The following RRP1B variants were observed in gnomAD, a reference collection of about 807,000 sequenced individuals.
RRP1B encodes the protein ribosomal RNA processing protein 1 homolog B.
In RRP1B, 56 loss-of-function variants were observed where a neutral mutation model predicts 80.2. The observed-to-expected ratio is 0.70, with a 90% CI of 0.56 to 0.87. The LOEUF is 0.87. Among genes scored for constraint, RRP1B ranks in the 40% least tolerant of loss-of-function variants. The pLI, the probability that RRP1B is intolerant of heterozygous loss-of-function variation, is 0.00. For missense variants in RRP1B, 807 were observed against 939.8 expected (o/e 0.86, Z 1.85); for synonymous variants, 351 against 357.6 (o/e 0.98, Z 0.21).
chr21:43,677,337 A>T (rs2083026971), intron 8 of RRP1B, among the ~76,000 whole-genome samples: 2 of 152,114 alleles, frequency 1.3e-5, no homozygotes, highest in Admixed American at 6.6e-5. Context: ...CCTTCAGGGA[A>T]TGTTTTTCTT....
chr21:43,683,716 A>C (rs1442955596), intron 9 of RRP1B, among the ~76,000 whole-genome samples: 1 of 152,160 alleles, frequency 6.6e-6, no homozygotes, highest in Admixed American at 6.5e-5. Context: ...TTACAAGCTC[A>C]CGCCTGTAAT....
intron 4 of RRP1B, 44 bp downstream of exon 4, chr21:43,673,999 G>A: frequency 7.1e-7 from 1 of 1,403,914 alleles, no homozygotes; most frequent in Non-Finnish European, 1.0e-6. Flanking sequence ...GGGAAGAAAA[G>A]AATGTCCTTT....
rs1212789906 is a variant in RRP1B, at chr21:43,686,785, G to A, written c.1010-19G>A. On this transcript the variant is annotated intron_variant, in intron 11 of 15. Coordinates refer to ENST00000340648, the MANE Select transcript of RRP1B (RefSeq NM_015056.3). The stretch of plus-strand genomic sequence containing the variant: ...TTGAGCGCCTGGGGAAGCTAACAGT[G>A]TGTCACTCTGGCATCTAGGAAGCAG... 1 of 1,613,668 alleles carries A rather than the reference G, an allele frequency of 6.2e-7. No individual in the cohort carries two copies. The highest frequency in any genetic ancestry group is 8.5e-7 in the Non-Finnish European group (1 of 1,179,810).
In RRP1B at chr21:43,691,597, A is replaced by T; in HGVS notation, c.2083+95A>T. On this transcript the variant is annotated intron_variant, in intron 15 of 15. Coordinates refer to ENST00000340648, the MANE Select transcript of RRP1B (RefSeq NM_015056.3). This position sits in a 1 kb window ranked among gnomAD's most constrained non-coding sequence, Gnocchi z 4.2. The stretch of plus-strand genomic sequence containing the variant: ...TGGTTCCACAAGGCGGTCGGGGAAG[A>T]GGGGGGTCCTAGCTCCTCACTGCCC... 4.0e-6 allele frequency: 4 copies of T among 997,146 alleles called. No homozygotes were observed. The highest frequency in any genetic ancestry group is 6.3e-6 in the Non-Finnish European group (4 of 636,142). 61.8% of individuals were successfully genotyped at this position (997,146 alleles called of 1,614,324 possible).
At chr21:43,681,011 A>AGTCGGATAACTTGAG (rs763919276) in intron 8 of RRP1B, among the ~76,000 whole-genome samples, 16 of 152,172 alleles carry the variant, frequency 1.1e-4, no homozygotes, top group Non-Finnish European at 1.5e-4. Context: ...AAGCCCAGGC[A>AGTCGGATAACTTGAG]GTCGGATAAC....
chr21:43,685,997 T>G (rs916121329), intron 11 of RRP1B: 9 of 434,136 alleles, frequency 2.1e-5, no homozygotes, highest in African/African-American at 1.9e-4. Flanking sequence ...GGCGTGATCC[T>G]GTAGTCCCAG....
At chr21:43,672,717 A>G (rs535039960) in intron 3 of RRP1B, among the ~76,000 whole-genome samples, 1 of 152,336 alleles carries the variant, frequency 6.6e-6, no homozygotes, top group Admixed American at 6.5e-5. Context: ...ATAAATACAT[A>G]GAAGACACCA....
intron 7 of RRP1B, 99 bp from the exon 8 acceptor site, chr21:43,676,634 C>A: frequency 2.6e-6 from 3 of 1,171,668 alleles, no homozygotes; most frequent in Non-Finnish European, 3.6e-6. Flanking sequence ...CCACTCCAGA[C>A]CACAGCAACG....
At position 43,694,178 on chromosome 21, in the gene RRP1B, C is replaced by G. The variant is rs1466308605; in HGVS notation, c.*795C>G. On this transcript the variant is annotated 3_prime_UTR_variant, in exon 16 of 16. Transcript: ENST00000340648. ...CGTGGAGCACACTCATTCCTCCAAGCCCTTGCGCTCCCGTTTCTCTCTCTC... is the reference window on the plus strand; with the variant it reads ...CGTGGAGCACACTCATTCCTCCAAGGCCTTGCGCTCCCGTTTCTCTCTCTC... 6.6e-6 allele frequency: 1 copy of G among 152,090 alleles called. No individual in the cohort carries two copies. The highest frequency in any genetic ancestry group is 2.4e-5 in the African/African-American group (1 of 41,320). The allele number at this position is 152,090 out of a possible 1,614,324, so 9.4% of individuals were successfully genotyped here.
At chr21:43,678,122 G>A (rs2083029500) in intron 8 of RRP1B, among the ~76,000 whole-genome samples, 1 of 152,170 alleles carries the variant, frequency 6.6e-6, no homozygotes, top group South Asian at 2.1e-4. Flanking sequence ...ATTCCCACCA[G>A]CAGTGTAGAA....
Position 43,674,625 on chromosome 21 carries a change from C to CTTTTTTT in RRP1B, c.358-11_358-10insTTTTTTT. 1.3e-6 allele frequency: 1 copy of CTTTTTTT among 797,956 alleles called. No individual in the cohort carries two copies. The highest frequency in any genetic ancestry group is 1.7e-6 in the Non-Finnish European group (1 of 603,606). The allele number at this position is 797,956 out of a possible 1,614,324, so 49.4% of individuals were successfully genotyped here. A position where few individuals can be genotyped will look rare whatever the true frequency, so the allele number is the denominator to read the frequency against. On this transcript the variant is annotated splice_polypyrimidine_tract_variant and intron_variant, in intron 4 of 15. Coordinates refer to ENST00000340648, the MANE Select transcript of RRP1B (RefSeq NM_015056.3). ...TTTTTTTTTTTTTAAACAAAAATTG[C>CTTTTTTT]CTTTCTTTAGCTGATTCGTCTGGTC...
intron 8 of RRP1B, among the ~76,000 whole-genome samples, chr21:43,678,314 C>G (rs1331455318): frequency 6.6e-6 from 1 of 152,174 alleles, no homozygotes; most frequent in African/African-American, 2.4e-5. Context: ...CACCTGCCAC[C>G]AGGCCCAGCT....
At chr21:43,667,278 G>C (rs2082981998) in intron 1 of RRP1B, among the ~76,000 whole-genome samples, 1 of 152,150 alleles carries the variant, frequency 6.6e-6, no homozygotes, top group African/African-American at 2.4e-5. Flanking sequence ...CCAGGTTGGA[G>C]TGCAGTGGCA....
chr21:43,691,478 G>T lies in RRP1B; in HGVS notation c.2059G>T (p.Gly687Trp). Residue 687 changes from glycine (G) to tryptophan (W), a missense_variant, in exon 15 of 16, where the codon GGG becomes TGG. By Grantham distance (184) the Gly-to-Trp change is radical. Transcript: ENST00000340648. The surrounding 1 kb of genome is among the most constrained non-coding windows in gnomAD (Gnocchi z 4.2). ...ATCCAGCTCCAAGAAAGTCACCTTT[G>T]GGCTGAACAGAAACATGACTGCCGG... ...TPSSSKKVTF[G>W]LNRNMTAEFK... 3.7e-6 allele frequency: 6 copies of T among 1,614,080 alleles called. No individual in the cohort carries two copies. Among genetic ancestry groups the T allele is most frequent in the Non-Finnish European group, 5.1e-6 (6 of 1,179,994 alleles).
Position 43,694,350 on chromosome 21 carries a change from C to T in RRP1B, c.*967C>T, listed in dbSNP as rs2083099109. On this transcript the variant is annotated 3_prime_UTR_variant, in exon 16 of 16. Coordinates refer to ENST00000340648, the MANE Select transcript of RRP1B (RefSeq NM_015056.3). ...CGGAAGCGTGCACTTACAGTTCAGA[C>T]CGTTCTCCTGTAAGTTCATTACAAA... 1 of 152,266 alleles carries T rather than the reference C, an allele frequency of 6.6e-6. No homozygotes were observed. Among genetic ancestry groups the T allele is most frequent in the Non-Finnish European group, 1.5e-5 (1 of 68,058 alleles). 9.4% of individuals were successfully genotyped at this position (152,266 alleles called of 1,614,324 possible).
Position 43,659,864 on chromosome 21 carries a change from G to T in RRP1B, c.130+70G>T. 7.2e-7 allele frequency: 1 copy of T among 1,381,418 alleles called. No individual in the cohort carries two copies. The highest frequency in any genetic ancestry group is 9.4e-7 in the Non-Finnish European group (1 of 1,060,308). 85.6% of individuals were successfully genotyped at this position (1,381,418 alleles called of 1,614,324 possible). On this transcript the variant is annotated intron_variant, in intron 1 of 15. Coordinates refer to ENST00000340648, the MANE Select transcript of RRP1B (RefSeq NM_015056.3). This position sits in a 1 kb window ranked among gnomAD's most constrained non-coding sequence, Gnocchi z 4.2. ...GGCCGGGGCTGGGGCTAGGGCCAGG[G>T]CCCCGGCACGGAATGCGGCTTCCAC...
chr21:43,673,403 G>A (rs2083007722), intron 3 of RRP1B, among the ~76,000 whole-genome samples: 1 of 152,186 alleles, frequency 6.6e-6, no homozygotes, highest in Non-Finnish European at 1.5e-5. Flanking sequence ...GGAGGCCGAG[G>A]TGGGTGGAAC....
chr21:43,688,860 G>A (rs1051662598), intron 13 of RRP1B, among the ~76,000 whole-genome samples: 4 of 152,288 alleles, frequency 2.6e-5, no homozygotes, highest in Admixed American at 6.5e-5. Context: ...CACAATCTCG[G>A]CTCACTGCAA....
At chr21:43,670,847 G>C (rs1406644215) in intron 2 of RRP1B, among the ~76,000 whole-genome samples, 1 of 152,196 alleles carries the variant, frequency 6.6e-6, no homozygotes, top group South Asian at 2.1e-4. Flanking sequence ...CAGGTCCTCA[G>C]GGCAAGATTT....
Sources: allele counts gnomAD v4.1 joint callset (sites outside exome capture counted in the v4.1 genomes callset), GRCh38; gene constraint gnomAD v4.1.1; non-coding constraint Gnocchi (gnomAD v3.1); transcripts MANE v1.5; gene names NCBI Gene and HGNC (gene_info 2026-07-23, HGNC 2026-07-21).